Variants in NCKAP5 observed in about 807,000 individuals in gnomAD.
NCKAP5 encodes the protein NCK associated protein 5.
Under a neutral mutation model 167.0 loss-of-function variants are expected in NCKAP5, and 92 were observed. The ratio of observed to expected loss-of-function variants is 0.55; its 90% CI spans 0.47 to 0.66. The LOEUF (loss-of-function observed/expected upper bound fraction) is 0.66, where lower values mean the gene tolerates loss of function less well. NCKAP5 is among the 30% of genes least tolerant of loss of function. NCKAP5 has a pLI of 0.00. For synonymous variants in NCKAP5, 891 were observed against 877.4 expected (o/e 1.02, Z -0.27); for missense variants, 2,378 against 2,315.0 (o/e 1.03, Z -0.56).
At chr2:132,985,630 A>T (rs2077266937) in intron 7 of NCKAP5, among the ~76,000 whole-genome samples, 1 of 152,206 alleles carries the variant, frequency 6.6e-6, no homozygotes, top group Non-Finnish European at 1.5e-5. Context: ...CGCCTTCTGT[A>T]TCTGAACTTG....
Position 133,099,851 on chromosome 2 carries a change from C to A in NCKAP5, c.341+30127G>T, listed in dbSNP as rs76505198. On this transcript the variant is annotated intron_variant, in intron 6 of 19. Coordinates refer to ENST00000409261, the MANE Select transcript of NCKAP5 (RefSeq NM_207363.3). ...CAAGCCAAATATATACTGCTGTCTG[C>A]TTTTGCACATAAAGTTAAGCTGAAA... Among the ~76,000 whole-genome samples the A allele has an allele frequency of 1.8e-3, 276 of 152,292 alleles. 7 individuals are homozygous for A. In the East Asian group the frequency reaches 0.03, roughly 17 times the overall value.
chr2:133,199,684 T>C (rs2085589027), intron 5 of NCKAP5, among the ~76,000 whole-genome samples: 1 of 151,916 alleles, frequency 6.6e-6, no homozygotes, highest in Admixed American at 6.6e-5. Context: ...GTAAAACATA[T>C]ACGATAATAC....
chr2:132,737,153 A>T (rs535320183), intron 16 of NCKAP5, among the ~76,000 whole-genome samples: 10 of 152,310 alleles, frequency 6.6e-5, no homozygotes, highest in African/African-American at 2.4e-4. Context: ...GGAAAACACC[A>T]GTCCCCAGGA....
chr2:132,961,683 G>C (rs2076515526), intron 8 of NCKAP5, among the ~76,000 whole-genome samples: 1 of 152,134 alleles, frequency 6.6e-6, no homozygotes. Flanking sequence ...TACAGTTTAA[G>C]AAACATTCGC....
At chr2:133,377,035 C>T (rs1686192389) in intron 3 of NCKAP5, among the ~76,000 whole-genome samples, 1 of 152,030 alleles carries the variant, frequency 6.6e-6, no homozygotes, top group African/African-American at 2.4e-5. Context: ...GAGTTCCCTG[C>T]ATAAAAGGTA....
intron 16 of NCKAP5, among the ~76,000 whole-genome samples, 163 bp downstream of exon 16, chr2:132,773,653 T>G (rs1339642140): frequency 6.6e-6 from 1 of 152,348 alleles, no homozygotes; most frequent in Non-Finnish European, 1.5e-5. Context: ...CCACTTATTT[T>G]ATGGTAACGT....
chr2:133,569,962 ACACT>A (rs1688798948), upstream of NCKAP5, among the ~76,000 whole-genome samples: 1 of 152,172 alleles, frequency 6.6e-6, no homozygotes, highest in Non-Finnish European at 1.5e-5. Flanking sequence ...TCCCACAAAT[ACACT>A]CACAAAAGAG....
chr2:132,716,866 T>A (rs2105359616), intron 19 of NCKAP5, among the ~76,000 whole-genome samples: 1 of 152,334 alleles, frequency 6.6e-6, no homozygotes, highest in East Asian at 1.9e-4. Context: ...CAGCCTCCCT[T>A]TTCAAGCCTG....
At chr2:132,825,518 A>G (rs1381814085) in intron 11 of NCKAP5, among the ~76,000 whole-genome samples, 2 of 152,256 alleles carry the variant, frequency 1.3e-5, no homozygotes, top group African/African-American at 4.8e-5. Context: ...AGCAAAATCA[A>G]TAGGAATGTA....
intron 8 of NCKAP5, among the ~76,000 whole-genome samples, chr2:132,956,467 T>C (rs1215735470): frequency 1.3e-5 from 2 of 152,188 alleles, no homozygotes; most frequent in African/African-American, 4.8e-5. Context: ...AAAAGCTCTA[T>C]TTCTTCTGTG....
At chr2:132,982,428 A>G (rs752518406) in intron 7 of NCKAP5, among the ~76,000 whole-genome samples, 36 of 152,296 alleles carry the variant, frequency 2.4e-4, no homozygotes, top group Non-Finnish European at 4.0e-4. Context: ...CCTCTTCACA[A>G]ATTCCCCAAC....
At chr2:133,279,456 G>T (rs2089859849) in intron 4 of NCKAP5, among the ~76,000 whole-genome samples, 1 of 151,924 alleles carries the variant, frequency 6.6e-6, no homozygotes, top group Non-Finnish European at 1.5e-5. Context: ...ATTTTATTTT[G>T]GAAAAAAGTT....
chr2:133,121,122 C>T (rs545790803), intron 6 of NCKAP5, among the ~76,000 whole-genome samples: 4 of 152,072 alleles, frequency 2.6e-5, no homozygotes, highest in Admixed American at 2.0e-4. Context: ...TAGAAAATAC[C>T]GATGCCAGAA....
intron 11 of NCKAP5, among the ~76,000 whole-genome samples, chr2:132,814,276 T>TA: frequency 6.6e-6 from 1 of 152,340 alleles, no homozygotes; most frequent in East Asian, 1.9e-4. Flanking sequence ...AATCCACTGT[T>TA]ACTTTACCCC....
chr2:132,782,373 T>C lies in NCKAP5; in HGVS notation c.4438A>G (p.Ile1480Val), dbSNP rs965448642. ...TGGCCCTTTTCCACATTTTCCTGAA[T>C]GCACAACATGACCTTTTCTTCGATT... ...PTIEEKVMLC[I>V]QENVEKGQVQ... The change falls in exon 14 of 20, where the codon ATT (isoleucine) becomes GTT (valine). Residue 1480 changes from isoleucine to valine, a missense_variant. Coordinates refer to ENST00000409261, the MANE Select transcript of NCKAP5 (RefSeq NM_207363.3). 5.0e-6 allele frequency: 8 copies of C among 1,613,952 alleles called. No homozygotes were observed. The highest frequency in any genetic ancestry group is 1.7e-5 in the Admixed American group (1 of 60,014).
chr2:133,234,897 G>C (rs1385401397), intron 4 of NCKAP5, among the ~76,000 whole-genome samples: 2 of 148,024 alleles, frequency 1.4e-5, no homozygotes. Flanking sequence ...ATATAAATAA[G>C]TGTCCCTCAG....
intron 3 of NCKAP5, among the ~76,000 whole-genome samples, chr2:133,416,994 C>A (rs1489879368): frequency 6.6e-6 from 1 of 152,074 alleles, no homozygotes; most frequent in Non-Finnish European, 1.5e-5. Context: ...GTGAGAAACA[C>A]AAGATTTAGT....
intron 4 of NCKAP5, among the ~76,000 whole-genome samples, chr2:133,255,406 T>C (rs1360361375): frequency 6.6e-6 from 1 of 152,202 alleles, no homozygotes. Context: ...AGCAAAGCCA[T>C]GAAAAGCAGA....
At chr2:132,895,021 CCTTA>C (rs1317292196) in intron 8 of NCKAP5, among the ~76,000 whole-genome samples, 2 of 152,082 alleles carry the variant, frequency 1.3e-5, no homozygotes, top group Admixed American at 6.6e-5. Context: ...TCTGGAGTGT[CCTTA>C]CTTTGCCTAA....
Sources: allele counts gnomAD v4.1 joint callset (sites outside exome capture counted in the v4.1 genomes callset), GRCh38; gene constraint gnomAD v4.1.1; transcripts MANE v1.5; gene names NCBI Gene and HGNC (gene_info 2026-07-23, HGNC 2026-07-21).